Variants in NPIPB11 observed in about 807,000 individuals in gnomAD.
NPIPB11 encodes the protein nuclear pore complex interacting protein family member B11, also known as nuclear pore complex-interacting protein family member B11.
In NPIPB11, 17 loss-of-function variants were observed where a neutral mutation model predicts 32.8. The observed-to-expected ratio is 0.52, with a 90% CI of 0.35 to 0.78. The LOEUF is 0.78. Among genes scored for constraint, NPIPB11 ranks in the 30% least tolerant of loss-of-function variants. The pLI, the probability that NPIPB11 is intolerant of heterozygous loss-of-function variation, is 0.01. For synonymous variants in NPIPB11, 209 were observed against 398.4 expected, an observed-to-expected ratio of 0.52 and a Z score of 5.66; for missense variants, 537 against 1,000.4, an observed-to-expected ratio of 0.54 and a Z score of 6.25.
At chr16:29,401,175 G>C (rs555274550) in intron 2 of NPIPB11, among the ~76,000 whole-genome samples, 1 of 152,232 alleles carries the variant, frequency 6.6e-6, no homozygotes, top group Non-Finnish European at 1.5e-5. Context: ...CCTAATCTGA[G>C]CACTCTTGAA....
At chr16:29,391,935 G>C (rs1353662158) in intron 3 of NPIPB11, among the ~76,000 whole-genome samples, 1 of 151,884 alleles carries the variant, frequency 6.6e-6, no homozygotes, top group Non-Finnish European at 1.5e-5. Context: ...TGGCCCATCT[G>C]GTCTTGAACT....
chr16:29,402,722 C>CTGTGTGTGTG lies in NPIPB11; in HGVS notation c.120+960_120+961insCACACACACA, dbSNP rs1245633106. Among the ~76,000 whole-genome samples the CTGTGTGTGTG allele has an allele frequency of 3.4e-3, 385 of 113,694 alleles. 5 individuals carry two copies. In the East Asian group the frequency reaches 0.038, roughly 11 times the overall value. The allele number at this position is 113,694 out of a possible 152,430, so 74.6% of individuals were successfully genotyped here. A position where few individuals can be genotyped will look rare whatever the true frequency, so the allele number is the denominator to read the frequency against. On this transcript the variant is annotated intron_variant, in intron 2 of 7. Transcript: ENST00000524087. Reference sequence around the variant, plus strand: ...TGTCTCTCTCTCTCTCTCTCTCTCTCTCTGTGTGTGTGTGTGTGTGTGTGT... The same window carrying CTGTGTGTGTG: ...TGTCTCTCTCTCTCTCTCTCTCTCTCTGTGTGTGTGTCTGTGTGTGTGTGTGTGTGTGTGT...
intron 3 of NPIPB11, among the ~76,000 whole-genome samples, chr16:29,391,555 G>A (rs980082549): frequency 8.7e-5 from 13 of 149,260 alleles, no homozygotes; most frequent in South Asian, 2.2e-4. Context: ...TGAACTTAAC[G>A]CAAAACATTC....
intron 3 of NPIPB11, among the ~76,000 whole-genome samples, chr16:29,391,969 C>A (rs1963733066): frequency 6.6e-6 from 1 of 152,074 alleles, no homozygotes; most frequent in African/African-American, 2.4e-5. Flanking sequence ...CATCCACCTG[C>A]CTCAGCCTCC....
chr16:29,389,572 G>A (rs1455877738), intron 5 of NPIPB11, among the ~76,000 whole-genome samples: 1 of 147,364 alleles, frequency 6.8e-6, no homozygotes, highest in African/African-American at 2.5e-5. Context: ...TACTTGGGAG[G>A]CTGAGGCAGG....
At chr16:29,400,067 A>C (rs3867584) in intron 2 of NPIPB11, among the ~76,000 whole-genome samples, 40 of 151,862 alleles carry the variant, frequency 2.6e-4, no homozygotes, top group African/African-American at 9.2e-4. Context: ...ACAGAATGGA[A>C]TGAGACTCTG....
chr16:29,405,541 A>G (rs1368002511), upstream of NPIPB11, among the ~76,000 whole-genome samples: 1 of 152,162 alleles, frequency 6.6e-6, no homozygotes, highest in African/African-American at 2.4e-5. Context: ...GCAAGCTTGC[A>G]AGGTAGTTAG....
chr16:29,405,818 A>C (rs145556382), upstream of NPIPB11, among the ~76,000 whole-genome samples: 1 of 152,170 alleles, frequency 6.6e-6, no homozygotes, highest in African/African-American at 2.4e-5. Context: ...CTCATGTGTA[A>C]TCAGGTGGCA....
downstream of NPIPB11, chr16:29,381,325 TATTA>T: frequency 2.6e-6 from 1 of 378,774 alleles, no homozygotes; most frequent in Admixed American, 5.8e-5. Context: ...TTTATTTTTA[TATTA>T]TTTATTTATT....
chr16:29,399,972 G>A (rs1963950568), intron 2 of NPIPB11, among the ~76,000 whole-genome samples: 1 of 151,708 alleles, frequency 6.6e-6, no homozygotes, highest in Non-Finnish European at 1.5e-5. Flanking sequence ...AGCTACTCAG[G>A]AGACTGAGGC....
chr16:29,383,164 G>T (rs767136868), exon 8 of NPIPB11: 3 of 1,596,652 alleles, frequency 1.9e-6, no homozygotes, highest in Non-Finnish European at 2.6e-6. Context: ...GGGTGGAAGC[G>T]GAACTGCAGA....
chr16:29,394,112 A>G (rs1374186135), intron 2 of NPIPB11, 36 bp from the exon 3 acceptor site: 2 of 1,589,742 alleles, frequency 1.3e-6, no homozygotes, highest in Non-Finnish European at 1.7e-6. Context: ...GAAAAGGTCA[A>G]TGACACTGAC....
intron 2 of NPIPB11, among the ~76,000 whole-genome samples, chr16:29,402,959 T>C (rs532073583): frequency 9.4e-5 from 14 of 149,566 alleles, no homozygotes; most frequent in Admixed American, 2.0e-4. Flanking sequence ...ATGTGGTTAA[T>C]TCTTTTATTC....
At chr16:29,403,045 T>C (rs1219208204) in intron 2 of NPIPB11, among the ~76,000 whole-genome samples, 3 of 151,256 alleles carry the variant, frequency 2.0e-5, no homozygotes, top group Non-Finnish European at 4.4e-5. Flanking sequence ...TAGAAGCTGT[T>C]GATTTGAATT....
intron 5 of NPIPB11, among the ~76,000 whole-genome samples, chr16:29,389,334 C>G (rs1328390950): frequency 1.4e-5 from 2 of 145,048 alleles, no homozygotes; most frequent in Admixed American, 1.4e-4. Context: ...AGCACTCCAG[C>G]CTGGGCGACA....
intron 2 of NPIPB11, among the ~76,000 whole-genome samples, chr16:29,401,019 C>CATTGAATG (rs1963976907): frequency 6.6e-6 from 1 of 152,078 alleles, no homozygotes; most frequent in African/African-American, 2.4e-5. Flanking sequence ...GTGTCCTGGT[C>CATTGAATG]ATTGAATGGG....
chr16:29,399,731 A>T (rs900914972), intron 2 of NPIPB11, among the ~76,000 whole-genome samples: 43 of 151,720 alleles, frequency 2.8e-4, no homozygotes, highest in African/African-American at 9.9e-4. Flanking sequence ...AACAAAAAAC[A>T]GGGTTAACAA....
At chr16:29,401,855 C>T (rs1192047211) in intron 2 of NPIPB11, among the ~76,000 whole-genome samples, 1 of 151,690 alleles carries the variant, frequency 6.6e-6, no homozygotes, top group Non-Finnish European at 1.5e-5. Context: ...CACAGGAGAG[C>T]CATGGAGGAT....
intron 2 of NPIPB11, chr16:29,397,752 G>A: frequency 4.0e-6 from 1 of 251,926 alleles, no homozygotes; most frequent in East Asian, 1.1e-4. Context: ...AGTTGGGGAG[G>A]GGGAGGGGAG....
Sources: gnomAD v4.1 joint callset for allele counts (sites outside exome capture counted in the v4.1 genomes callset) on GRCh38, gnomAD v4.1.1 for gene constraint, MANE v1.5 for transcripts, NCBI Gene and HGNC (gene_info 2026-07-23, HGNC 2026-07-21) for gene names.